Variants in STAG2 observed in about 807,000 individuals in gnomAD.
STAG2 encodes STAG2 cohesin complex component.
STAG2 carries 14 observed loss-of-function variants against 108.1 expected under a neutral mutation model. That is an observed-to-expected ratio of 0.13 (90% CI 0.09 to 0.20). STAG2 has a LOEUF of 0.20. Among genes scored for constraint, STAG2 ranks in the 10% least tolerant of loss-of-function variants. STAG2 has a pLI of 1.00. For missense variants in STAG2, 440 were observed against 940.9 expected, an observed-to-expected ratio of 0.47 and a Z score of 6.96; for synonymous variants, 307 against 302.7, an observed-to-expected ratio of 1.01 and a Z score of -0.15.
At chrX:124,013,047 G>A (rs768781774) in intron 1 of STAG2, among the ~76,000 whole-genome samples, 14 of 111,263 alleles carry the variant, frequency 1.3e-4, no homozygotes, top group Non-Finnish European at 2.3e-4. Flanking sequence ...GTGAGCCAGT[G>A]ATGCCCAGTG....
intron 27 of STAG2, among the ~76,000 whole-genome samples, chrX:124,081,003 TG>T (rs1296009402): frequency 8.9e-6 from 1 of 112,351 alleles, no homozygotes; most frequent in Non-Finnish European, 1.9e-5. Context: ...CTTAAGCTTT[TG>T]CTATTTCATG....
chrX:123,973,759 G>T (rs1323538762), intron 1 of STAG2, among the ~76,000 whole-genome samples: 1 of 107,886 alleles, frequency 9.3e-6, no homozygotes, highest in African/African-American at 3.4e-5. Flanking sequence ...CAGGAGAATT[G>T]CTTGAACCTG....
intron 9 of STAG2, among the ~76,000 whole-genome samples, chrX:124,048,199 T>C (rs776112341): frequency 4.5e-5 from 5 of 111,749 alleles, no homozygotes; most frequent in Admixed American, 9.5e-5. Context: ...TGAATTTTTT[T>C]GGGGAGGGGA....
At chrX:124,015,921 A>T (rs187752163) in intron 1 of STAG2, among the ~76,000 whole-genome samples, 5 of 111,500 alleles carry the variant, frequency 4.5e-5, no homozygotes, top group Non-Finnish European at 7.5e-5. Context: ...GAGAAAGTAC[A>T]TAGGCCAATA....
chrX:124,037,026 C>T (rs1377371172), intron 5 of STAG2, among the ~76,000 whole-genome samples: 1 of 110,175 alleles, frequency 9.1e-6, no homozygotes, highest in African/African-American at 3.3e-5. Context: ...GTTGGGATTA[C>T]AGGCGTGCAC....
Position 124,056,549 on chromosome X carries a change from CG to C in STAG2, c.1304+316del, listed in dbSNP as rs2058202146. On this transcript the variant is annotated intron_variant, in intron 14 of 34. Coordinates refer to ENST00000371145, the MANE Select transcript of STAG2 (RefSeq NM_001042750.2). Reference sequence around the variant, plus strand: ...GAGATCGAGACCATCCTGGCTAACACGGTGAAACCCCGTCTCTACTAAAAAT... The same window carrying C: ...GAGATCGAGACCATCCTGGCTAACACGTGAAACCCCGTCTCTACTAAAAAT... 8.4e-5 allele frequency among the ~76,000 whole-genome samples: 9 copies of C among 107,515 alleles called. No individual in the cohort carries two copies. The South Asian group carries it at 3.7e-3, about 45-fold the overall frequency. 93.4% of individuals were successfully genotyped at this position (107,515 alleles called of 115,157 possible).
intron 1 of STAG2, among the ~76,000 whole-genome samples, chrX:124,007,474 A>G (rs1377201103): frequency 1.8e-5 from 2 of 111,355 alleles, no homozygotes; most frequent in African/African-American, 6.5e-5. Flanking sequence ...CTTTAATTTC[A>G]GAAATTTCTG....
At chrX:124,078,285 A>G (rs1286338648) in intron 27 of STAG2, among the ~76,000 whole-genome samples, 1 of 112,296 alleles carries the variant, frequency 8.9e-6, no homozygotes, top group African/African-American at 3.2e-5. Flanking sequence ...CAATTTGGCA[A>G]TTTATGTAAA....
intron 32 of STAG2, among the ~76,000 whole-genome samples, chrX:124,092,492 C>T (rs1214081192): frequency 8.9e-6 from 1 of 111,809 alleles, no homozygotes; most frequent in Non-Finnish European, 1.9e-5. Flanking sequence ...ACACCAGTTC[C>T]TAAGATCCTA....
intron 34 of STAG2, 23 bp downstream of exon 34, chrX:124,095,472 C>G (rs758281290): frequency 8.8e-7 from 1 of 1,135,322 alleles, no homozygotes; most frequent in Admixed American, 2.2e-5. Flanking sequence ...TAAATGTACC[C>G]TAGGATTGCA....
intron 34 of STAG2, among the ~76,000 whole-genome samples, chrX:124,099,284 T>C (rs943870919): frequency 2.7e-5 from 3 of 112,010 alleles, no homozygotes; most frequent in African/African-American, 9.7e-5. Context: ...ACTAAATTGC[T>C]AATTAAGATT....
At chrX:123,978,949 T>G (rs1368614423) in intron 1 of STAG2, among the ~76,000 whole-genome samples, 1 of 111,805 alleles carries the variant, frequency 8.9e-6, no homozygotes, top group Non-Finnish European at 1.9e-5. Context: ...TTTGCTGGCA[T>G]GGTAGGCCCC....
chrX:124,043,238 C>T (rs2057775347), intron 7 of STAG2, among the ~76,000 whole-genome samples: 1 of 106,140 alleles, frequency 9.4e-6, no homozygotes, highest in African/African-American at 3.4e-5. Flanking sequence ...AAGCAATTCT[C>T]CTGCCACAGC....
chrX:123,979,339 A>T (rs775750665), intron 1 of STAG2, among the ~76,000 whole-genome samples: 4 of 111,306 alleles, frequency 3.6e-5, no homozygotes, highest in African/African-American at 6.5e-5. Flanking sequence ...CCACTCTAGA[A>T]TGTTAAGTGA....
chrX:124,088,054 T>A (rs1179791304), intron 30 of STAG2, among the ~76,000 whole-genome samples: 2 of 112,189 alleles, frequency 1.8e-5, no homozygotes, highest in Non-Finnish European at 3.8e-5. Flanking sequence ...TTCTGTTTTT[T>A]AAAAACAAAA....
chrX:124,032,840 A>C lies in STAG2; in HGVS notation c.288+1715A>C, dbSNP rs760813804. ...TTTAATCAGTGATGGGTGCACATGAATGGTTATCTGAGAACTATCCGTTCA... is the reference window on the plus strand; with the variant it reads ...TTTAATCAGTGATGGGTGCACATGACTGGTTATCTGAGAACTATCCGTTCA... On this transcript the variant is annotated intron_variant, in intron 5 of 34. Transcript: ENST00000371145. 8.9e-5 allele frequency among the ~76,000 whole-genome samples: 10 copies of C among 112,357 alleles called. No individual in the cohort carries two copies. In the South Asian group the frequency reaches 3.7e-3, roughly 41 times the overall value.
At chrX:123,991,168 T>C (rs1411973229) in intron 1 of STAG2, among the ~76,000 whole-genome samples, 2 of 112,167 alleles carry the variant, frequency 1.8e-5, no homozygotes, top group African/African-American at 6.5e-5. Flanking sequence ...ATGTACATAA[T>C]TGTATAGTGA....
intron 10 of STAG2, among the ~76,000 whole-genome samples, chrX:124,049,517 T>A (rs2057976207): frequency 8.9e-6 from 1 of 112,280 alleles, no homozygotes; most frequent in Non-Finnish European, 1.9e-5. Flanking sequence ...ATTTATGCTG[T>A]AACCTATTCT....
At chrX:124,026,128 AAAT>A (rs57097416) in intron 4 of STAG2, among the ~76,000 whole-genome samples, 2,065 of 88,932 alleles carry the variant, frequency 0.023, 29 homozygotes, top group African/African-American at 0.044. Flanking sequence ...GTAAAGTTGC[AAAT>A]AATAATAATA....
Sources: allele counts gnomAD v4.1 joint callset (sites outside exome capture counted in the v4.1 genomes callset), GRCh38; gene constraint gnomAD v4.1.1; transcripts MANE v1.5; gene names NCBI Gene and HGNC (gene_info 2026-07-23, HGNC 2026-07-21).